PGGT1B: variants seen among roughly 807,000 people sequenced by gnomAD.
PGGT1B encodes protein geranylgeranyltransferase type I subunit beta.
Under a neutral mutation model 46.1 loss-of-function variants are expected in PGGT1B, and 30 were observed. That is an observed-to-expected ratio of 0.65 (90% CI 0.49 to 0.88). The LOEUF (loss-of-function observed/expected upper bound fraction) is 0.88. Among genes scored for constraint, PGGT1B ranks in the 40% least tolerant of loss-of-function variants. PGGT1B has a pLI of 0.00. For synonymous variants in PGGT1B, 170 were observed against 160.0 expected (o/e 1.06, Z -0.47); for missense variants, 376 against 455.9 (o/e 0.82, Z 1.60).
intron 6 of PGGT1B, among the ~76,000 whole-genome samples, chr5:115,226,259 C>T (rs1300788710): frequency 3.3e-5 from 5 of 152,142 alleles, no homozygotes; most frequent in African/African-American, 1.2e-4. Flanking sequence ...CTGCATGACA[C>T]TCAAAGGAAA....
At chr5:115,253,348 T>C in intron 1 of PGGT1B, 93 bp from the exon 2 acceptor site, 2 of 1,071,112 alleles carry the variant, frequency 1.9e-6, no homozygotes, top group South Asian at 1.8e-5. Flanking sequence ...ATCATTCTAA[T>C]TTTCCAATAA....
intron 6 of PGGT1B, among the ~76,000 whole-genome samples, chr5:115,226,798 T>C (rs935953346): frequency 6.6e-6 from 1 of 151,880 alleles, no homozygotes; most frequent in Non-Finnish European, 1.5e-5. Context: ...TGAAGTATTA[T>C]GGGAATACAG....
At chr5:115,234,374 GT>G (rs1353953492) in intron 5 of PGGT1B, among the ~76,000 whole-genome samples, 2 of 151,946 alleles carry the variant, frequency 1.3e-5, no homozygotes, top group African/African-American at 4.8e-5. Flanking sequence ...AAGTATGGGA[GT>G]TAAGAAGAGG....
Position 115,208,778 on chromosome 5 carries a change from T to A in PGGT1B, c.*3624A>T, listed in dbSNP as rs1299767145. On this transcript the variant is annotated 3_prime_UTR_variant, in exon 9 of 9. Transcript: ENST00000419445. ...TTTGCTTTTTACTCCAAGTGTTTGG[T>A]ACTTGGTTAATTTTCCCCTTTTCCT... 6.6e-6 allele frequency: 1 copy of A among 152,094 alleles called. No individual in the cohort carries two copies. Among genetic ancestry groups the A allele is most frequent in the East Asian group, 1.9e-4 (1 of 5,190 alleles). The allele number at this position is 152,094 out of a possible 1,614,324, so 9.4% of individuals were successfully genotyped here. A position where few individuals can be genotyped will look rare whatever the true frequency, so the allele number is the denominator to read the frequency against.
chr5:115,232,685 G>T (rs1757028634), intron 5 of PGGT1B, among the ~76,000 whole-genome samples: 1 of 151,938 alleles, frequency 6.6e-6, no homozygotes, highest in African/African-American at 2.4e-5. Flanking sequence ...AAATCACCTT[G>T]TATCATTTCA....
intron 2 of PGGT1B, among the ~76,000 whole-genome samples, chr5:115,249,126 C>A (rs537001335): frequency 2.2e-4 from 33 of 151,438 alleles, no homozygotes; most frequent in Admixed American, 1.1e-3. Flanking sequence ...TTGCCATCCC[C>A]CCACCTCTGT....
At chr5:115,229,248 C>A (rs918763868) in intron 6 of PGGT1B, among the ~76,000 whole-genome samples, 1 of 152,096 alleles carries the variant, frequency 6.6e-6, no homozygotes, top group Non-Finnish European at 1.5e-5. Flanking sequence ...GACAACCTTA[C>A]CAGGGACTCC....
intron 5 of PGGT1B, among the ~76,000 whole-genome samples, chr5:115,234,231 A>C (rs1174921928): frequency 6.6e-6 from 1 of 151,184 alleles, no homozygotes; most frequent in Non-Finnish European, 1.5e-5. Flanking sequence ...AAAAAAGAAT[A>C]TGGTATGCTA....
intron 1 of PGGT1B, among the ~76,000 whole-genome samples, chr5:115,260,827 G>A (rs1011851161): frequency 2.6e-5 from 4 of 152,118 alleles, no homozygotes; most frequent in South Asian, 2.1e-4. Flanking sequence ...GAAAATTTGT[G>A]CTGTTTTACT....
chr5:115,239,131 A>C (rs1757275808), intron 3 of PGGT1B, among the ~76,000 whole-genome samples: 2 of 151,950 alleles, frequency 1.3e-5, no homozygotes, highest in South Asian at 4.1e-4. Context: ...TCCGCCTCCA[A>C]GGCTCAAGCA....
rs117228955 is a variant in PGGT1B, at chr5:115,224,699, G to A, written c.659-2691C>T. Reference sequence around the variant, plus strand: ...AGCCTGGGCAACATAAGGAGACCCTGTCTCTACAAAAAAATATTTTTAAAA... The same window carrying A: ...AGCCTGGGCAACATAAGGAGACCCTATCTCTACAAAAAAATATTTTTAAAA... On this transcript the variant is annotated intron_variant, in intron 6 of 8. Transcript: ENST00000419445. 1.4e-4 allele frequency among the ~76,000 whole-genome samples: 21 copies of A among 152,066 alleles called. No homozygotes were observed. The East Asian group carries it at 3.9e-3, about 28-fold the overall frequency.
intron 7 of PGGT1B, among the ~76,000 whole-genome samples, chr5:115,220,967 T>C (rs1580747775): frequency 1.3e-5 from 2 of 151,994 alleles, no homozygotes; most frequent in East Asian, 1.9e-4. Flanking sequence ...ATGGGTGTTA[T>C]TATACCTTTC....
intron 2 of PGGT1B, among the ~76,000 whole-genome samples, chr5:115,245,509 C>T (rs1747793981): frequency 2.6e-5 from 4 of 152,120 alleles, no homozygotes; most frequent in Admixed American, 2.6e-4. Context: ...CATTTTTGAA[C>T]TAGTAACAAT....
At chr5:115,246,318 T>C (rs1326181649) in intron 2 of PGGT1B, among the ~76,000 whole-genome samples, 2 of 150,244 alleles carry the variant, frequency 1.3e-5, no homozygotes, top group Non-Finnish European at 3.0e-5. Flanking sequence ...ATTGCGCCAC[T>C]GCACTCCATC....
At chr5:115,262,417 G>C (rs1007356288) in intron 1 of PGGT1B, 4 of 404,816 alleles carry the variant, frequency 9.9e-6, no homozygotes, top group African/African-American at 8.1e-5. Context: ...GAAGTAATGA[G>C]GCAAAGTGAC....
Position 115,259,840 on chromosome 5 carries a change from G to C in PGGT1B, c.140+2872C>G, listed in dbSNP as rs541266819. ...AGACTAGCTAGATTGTAAATGCTTT[G>C]TGAAATAAAAGCTAACTGCCTAAAC... On this transcript the variant is annotated intron_variant, in intron 1 of 8. Transcript: ENST00000419445. Among the ~76,000 whole-genome samples the C allele has an allele frequency of 9.8e-4, 149 of 152,246 alleles. 2 individuals are homozygous for C. Among genetic ancestry groups the C allele is most frequent in the Non-Finnish European group, 1.9e-3 (130 of 68,010 alleles).
Position 115,247,164 on chromosome 5 carries a change from T to C in PGGT1B, c.260-5558A>G, listed in dbSNP as rs371945452. 2.6e-5 allele frequency among the ~76,000 whole-genome samples: 4 copies of C among 152,194 alleles called. No individual in the cohort carries two copies. In the East Asian group the frequency reaches 5.8e-4, roughly 22 times the overall value. ...TTACTATTAAGCTCATAAAACCAAC[T>C]ATATGTCAAGCATTGAAAGATAGTA... On this transcript the variant is annotated intron_variant, in intron 2 of 8. Transcript: ENST00000419445.
chr5:115,254,653 A>G (rs1239657190), intron 1 of PGGT1B, among the ~76,000 whole-genome samples: 1 of 151,314 alleles, frequency 6.6e-6, no homozygotes, highest in East Asian at 1.9e-4. Context: ...GTGGAAAAAG[A>G]CTAGCAGCAT....
intron 2 of PGGT1B, among the ~76,000 whole-genome samples, chr5:115,249,495 C>G (rs531683007): frequency 1.3e-5 from 2 of 152,084 alleles, no homozygotes; most frequent in South Asian, 4.2e-4. Context: ...TAAACTAATT[C>G]CAACTGGCTA....
Sources: gnomAD v4.1 joint callset for allele counts (sites outside exome capture counted in the v4.1 genomes callset) on GRCh38, gnomAD v4.1.1 for gene constraint, MANE v1.5 for transcripts, NCBI Gene and HGNC (gene_info 2026-07-23, HGNC 2026-07-21) for gene names.